Variants in OR6N1 observed in about 807,000 individuals in gnomAD.
The protein encoded by OR6N1 is olfactory receptor family 6 subfamily N member 1.
For missense variants in OR6N1, 394 were observed against 371.7 expected, an observed-to-expected ratio of 1.06 and a Z score of -0.49; for synonymous variants, 170 against 150.7, an observed-to-expected ratio of 1.13 and a Z score of -0.94.
chr1:158,768,323 A>G (rs1182988498), intron 1 of OR6N1, among the ~76,000 whole-genome samples: 1 of 152,154 alleles, frequency 6.6e-6, no homozygotes, highest in Admixed American at 6.5e-5. Flanking sequence ...TCCTCTTGGG[A>G]GTCGAAGAGC....
chr1:158,789,462 C>T, the OR6N1 span, among the ~76,000 whole-genome samples: 4 of 152,160 alleles, frequency 2.6e-5, no homozygotes, highest in Non-Finnish European at 5.9e-5. Flanking sequence ...TCACCAACAG[C>T]CTATGAGCAT....
the OR6N1 span, among the ~76,000 whole-genome samples, chr1:158,787,406 C>T: frequency 6.6e-6 from 1 of 152,104 alleles, no homozygotes; most frequent in East Asian, 1.9e-4. Flanking sequence ...AGGCCAAATA[C>T]ACTGTCACAA....
chr1:158,814,648 T>C, the OR6N1 span, among the ~76,000 whole-genome samples: 1 of 152,132 alleles, frequency 6.6e-6, no homozygotes, highest in Non-Finnish European at 1.5e-5. Context: ...CTCTCTAAGG[T>C]ATCCTTTCTA....
At chr1:158,803,248 A>G in the OR6N1 span, among the ~76,000 whole-genome samples, 1 of 152,218 alleles carries the variant, frequency 6.6e-6, no homozygotes, top group Non-Finnish European at 1.5e-5. Flanking sequence ...TTCTGAGAGT[A>G]CTAATGTGAC....
the OR6N1 span, among the ~76,000 whole-genome samples, chr1:158,786,437 A>T: frequency 1.3e-5 from 2 of 152,232 alleles, no homozygotes; most frequent in Non-Finnish European, 2.9e-5. Context: ...AACAGTAGGG[A>T]GATTCCTTAA....
the OR6N1 span, among the ~76,000 whole-genome samples, chr1:158,787,641 A>T: frequency 0.09 from 11,002 of 122,230 alleles, 514 homozygotes; most frequent in African/African-American, 0.2. Flanking sequence ...TCTCTCACAC[A>T]CACACACACA....
chr1:158,794,091 G>C, the OR6N1 span, among the ~76,000 whole-genome samples: 2 of 152,150 alleles, frequency 1.3e-5, no homozygotes, highest in African/African-American at 2.4e-5. Context: ...AACCTGGAGG[G>C]CACTCCTCCT....
chr1:158,815,866 T>C, the OR6N1 span, among the ~76,000 whole-genome samples: 1 of 152,000 alleles, frequency 6.6e-6, no homozygotes, highest in Non-Finnish European at 1.5e-5. Context: ...ACGAATATGG[T>C]AAACATAGGC....
chr1:158,776,452 C>CT (rs35634987), upstream of OR6N1: 31 of 374,180 alleles, frequency 8.3e-5, no homozygotes, highest in South Asian at 1.6e-4. Flanking sequence ...AATATACATG[C>CT]TTTTTTTTAA....
chr1:158,768,341 A>G (rs1455957408), intron 1 of OR6N1, among the ~76,000 whole-genome samples: 3 of 152,164 alleles, frequency 2.0e-5, no homozygotes, highest in African/African-American at 4.8e-5. Flanking sequence ...AGCCATCTCA[A>G]ACTGAACTCC....
At chr1:158,821,570 C>A in the OR6N1 span, among the ~76,000 whole-genome samples, 3 of 152,154 alleles carry the variant, frequency 2.0e-5, no homozygotes, top group African/African-American at 7.2e-5. Context: ...AGATTAGCTT[C>A]TTTCATTTAA....
the OR6N1 span, among the ~76,000 whole-genome samples, chr1:158,785,538 A>G: frequency 6.6e-6 from 1 of 152,132 alleles, no homozygotes; most frequent in Non-Finnish European, 1.5e-5. Context: ...TCCAAGCCAC[A>G]TTTTTATTTT....
chr1:158,778,487 CT>C, the OR6N1 span, among the ~76,000 whole-genome samples: 2 of 152,216 alleles, frequency 1.3e-5, no homozygotes, highest in African/African-American at 4.8e-5. Flanking sequence ...ACATGTTCCC[CT>C]CTATGGTAAC....
chr1:158,778,485 C>T, the OR6N1 span, among the ~76,000 whole-genome samples: 1 of 152,158 alleles, frequency 6.6e-6, no homozygotes, highest in Non-Finnish European at 1.5e-5. Flanking sequence ...ACACATGTTC[C>T]CCTCTATGGT....
At chr1:158,780,193 T>C in the OR6N1 span, among the ~76,000 whole-genome samples, 9 of 152,174 alleles carry the variant, frequency 5.9e-5, no homozygotes, top group Non-Finnish European at 8.8e-5. Flanking sequence ...CCAGAGAAAT[T>C]AAATTCAAGA....
the OR6N1 span, among the ~76,000 whole-genome samples, chr1:158,780,876 A>G: frequency 6.6e-6 from 1 of 152,204 alleles, no homozygotes; most frequent in Non-Finnish European, 1.5e-5. Flanking sequence ...CACATAAGAT[A>G]ATTTCTTGTC....
the OR6N1 span, among the ~76,000 whole-genome samples, chr1:158,830,068 A>G: frequency 2.0e-5 from 3 of 152,228 alleles, no homozygotes; most frequent in African/African-American, 7.2e-5. Flanking sequence ...TGGGAGCTAC[A>G]AGATGGGATT....
the OR6N1 span, among the ~76,000 whole-genome samples, chr1:158,801,508 G>C: frequency 6.6e-6 from 1 of 152,092 alleles, no homozygotes; most frequent in Non-Finnish European, 1.5e-5. Context: ...GGTAAGCTAA[G>C]GCCCCTATAT....
chr1:158,802,348 C>T, the OR6N1 span, among the ~76,000 whole-genome samples: 1 of 151,932 alleles, frequency 6.6e-6, no homozygotes, highest in East Asian at 1.9e-4. Context: ...GCTGGGACAA[C>T]AGGCATGTGC....
Sources: allele counts gnomAD v4.1 joint callset (sites outside exome capture counted in the v4.1 genomes callset), GRCh38; gene constraint gnomAD v4.1.1; transcripts MANE v1.5; gene names NCBI Gene and HGNC (gene_info 2026-07-23, HGNC 2026-07-21).